The following ZFYVE28 variants were observed in gnomAD, a reference collection of about 807,000 sequenced individuals.
ZFYVE28 encodes lateral signaling target protein 2 homolog.
Under a neutral mutation model 82.1 loss-of-function variants are expected in ZFYVE28, and 40 were observed. That is an observed-to-expected ratio of 0.49 (90% CI 0.38 to 0.63). The LOEUF (loss-of-function observed/expected upper bound fraction) is 0.63, where lower values mean the gene tolerates loss of function less well. Ranked by LOEUF, ZFYVE28 falls within the 30% of genes least tolerant of loss-of-function variation. ZFYVE28 has a pLI of 0.00. For missense variants in ZFYVE28, 1,321 were observed against 1,242.1 expected (o/e 1.06, Z -0.96); for synonymous variants, 612 against 546.1 (o/e 1.12, Z -1.68).
At chr4:2,271,516 C>T (rs1406613097) in intron 11 of ZFYVE28, 102 bp from the exon 12 acceptor site, 44 of 1,449,006 alleles carry the variant, frequency 3.0e-5, no homozygotes, top group East Asian at 2.1e-4. Flanking sequence ...ACTGCCAAGC[C>T]GCCTGGCCTC....
chr4:2,364,913 G>A (rs909577918), intron 1 of ZFYVE28: 2 of 985,466 alleles, frequency 2.0e-6, no homozygotes, highest in Non-Finnish European at 2.4e-6. Context: ...CGGAGGGACA[G>A]TGGAGGCGGG....
At chr4:2,397,485 A>AG in intron 1 of ZFYVE28, among the ~76,000 whole-genome samples, 1 of 151,660 alleles carries the variant, frequency 6.6e-6, no homozygotes, top group East Asian at 1.9e-4. Context: ...AAAAAAAAAA[A>AG]AAAAAAAATT....
chr4:2,275,114 C>T (rs1286562222), intron 8 of ZFYVE28, among the ~76,000 whole-genome samples: 1 of 152,164 alleles, frequency 6.6e-6, no homozygotes, highest in Non-Finnish European at 1.5e-5. Flanking sequence ...GCTGGCCTCC[C>T]TGGGCATCGG....
At chr4:2,354,365 G>A (rs915312210) in intron 1 of ZFYVE28, among the ~76,000 whole-genome samples, 2 of 152,068 alleles carry the variant, frequency 1.3e-5, no homozygotes, top group Middle Eastern at 3.4e-3. Context: ...AGGTCCTCAC[G>A]CTCCCTCTGG....
chr4:2,413,117 T>C (rs61790170), intron 1 of ZFYVE28, among the ~76,000 whole-genome samples: 11,166 of 152,296 alleles, frequency 0.073, 542 homozygotes, highest in Non-Finnish European at 0.11. Context: ...AGGCTCTTAA[T>C]TGCCCTGCAA....
rs1011442157 is a variant in ZFYVE28 at position 2,362,557 on chromosome 4, T to C, written c.40-8484A>G. 6.6e-6 allele frequency among the ~76,000 whole-genome samples: 1 copy of C among 152,022 alleles called. No individual in the cohort carries two copies. The highest frequency in any genetic ancestry group is 2.4e-5 in the African/African-American group (1 of 41,390). On this transcript the variant is annotated intron_variant, in intron 1 of 12. Transcript: ENST00000290974. The surrounding 1 kb of genome is among the most constrained non-coding windows in gnomAD (Gnocchi z 5.1). The stretch of plus-strand genomic sequence containing the variant: ...TGTCCGCACTGAGGCCAGACGTCCA[T>C]GGGCAGCCATGACCCATGTCCCCAA...
At chr4:2,352,750 A>C (rs753554778) in intron 2 of ZFYVE28, among the ~76,000 whole-genome samples, 2 of 152,170 alleles carry the variant, frequency 1.3e-5, no homozygotes, top group Non-Finnish European at 2.9e-5. Flanking sequence ...CCCACCTCTC[A>C]AACTCACTTA....
intron 1 of ZFYVE28, among the ~76,000 whole-genome samples, chr4:2,391,520 C>G (rs963055300): frequency 4.9e-5 from 7 of 142,316 alleles, no homozygotes; most frequent in African/African-American, 1.8e-4. Context: ...CATTTTCACC[C>G]TTTTTAAGTC....
Position 2,305,289 on chromosome 4 carries a change from T to C in ZFYVE28, c.1051A>G (p.Arg351Gly). 2 of 1,613,158 alleles carry C rather than the reference T, an allele frequency of 1.2e-6. No homozygotes were observed. Among genetic ancestry groups the C allele is most frequent in the Non-Finnish European group, 1.7e-6 (2 of 1,180,016 alleles). The part of the protein sequence containing the change: ...ELEQLSRMVH[R>G]AGDEMSSLLS... ...AAAGAGGACATCTCGTCCCCCGCCC[T>C]GTGGACCATGCGGCTGAGCTGCTCC... The change falls in exon 8 of 13, where the codon AGG becomes GGG. Residue 351 changes from arginine (R) to glycine (G), a missense_variant. By Grantham distance (125) the Arg-to-Gly change is moderately radical (BLOSUM62 -2). This residue lies in a region of ZFYVE28 where 978 missense variants were observed against 833.7 expected (regional missense o/e 1.17). Transcript: ENST00000290974.
At position 2,335,471 on chromosome 4, in the gene ZFYVE28, T is replaced by C. The variant is rs1184104312; in HGVS notation, c.701+234A>G. Among the ~76,000 whole-genome samples, 1 of 152,060 alleles carries C rather than the reference T, an allele frequency of 6.6e-6. No homozygotes were observed. The highest frequency in any genetic ancestry group is 2.4e-5 in the African/African-American group (1 of 41,414). On this transcript the variant is annotated intron_variant, in intron 6 of 12. Coordinates refer to ENST00000290974, the MANE Select transcript of ZFYVE28 (RefSeq NM_020972.3). This position sits in a 1 kb window ranked among gnomAD's most constrained non-coding sequence, Gnocchi z 5.8. ...TGGCAGGTGTTAGGCCACCTTGCCC[T>C]ATCTAGGGTGACAGAGCCTCCCTCA...
At position 2,339,696 on chromosome 4, in the gene ZFYVE28, G is replaced by A. The variant is rs1036713202; in HGVS notation, c.319-41C>T. 7 of 1,541,828 alleles carry A rather than the reference G, an allele frequency of 4.5e-6. No homozygotes were observed. The highest frequency in any genetic ancestry group is 6.1e-6 in the Non-Finnish European group (7 of 1,143,934). On this transcript the variant is annotated intron_variant, in intron 3 of 12. Transcript: ENST00000290974. This position sits in a 1 kb window ranked among gnomAD's most constrained non-coding sequence, Gnocchi z 5.0. ...CACTCAGGGAGGGGCCCGGGTGAGG[G>A]CCAGGCTCTCAGGGGTCGCCGACCC...
At chr4:2,290,792 G>A (rs116286593) in intron 8 of ZFYVE28, among the ~76,000 whole-genome samples, 3 of 152,218 alleles carry the variant, frequency 2.0e-5, no homozygotes, top group Non-Finnish European at 2.9e-5. Flanking sequence ...AGCACAAGCC[G>A]AGCAGTGGTG....
chr4:2,348,460 G>C (rs1723897747), intron 2 of ZFYVE28, among the ~76,000 whole-genome samples: 1 of 152,176 alleles, frequency 6.6e-6, no homozygotes, highest in South Asian at 2.1e-4. Flanking sequence ...ACACTGTCTT[G>C]ACACCAAAAT....
chr4:2,355,203 T>C (rs1343008257), intron 1 of ZFYVE28, among the ~76,000 whole-genome samples: 1 of 910 alleles, frequency 1.1e-3, no homozygotes, highest in South Asian at 0.031. Context: ...CTTGAAAATA[T>C]ATATATATAT....
intron 1 of ZFYVE28, among the ~76,000 whole-genome samples, chr4:2,396,852 TG>T (rs1730526577): frequency 6.6e-6 from 1 of 152,216 alleles, no homozygotes; most frequent in African/African-American, 2.4e-5. Flanking sequence ...GGAGGGTACC[TG>T]ACCCTGAAGG....
chr4:2,416,774 AG>A lies in ZFYVE28; in HGVS notation c.39+1510del, dbSNP rs1733088211. On this transcript the variant is annotated intron_variant, in intron 1 of 12. Coordinates refer to ENST00000290974, the MANE Select transcript of ZFYVE28 (RefSeq NM_020972.3). The surrounding 1 kb of genome is among the most constrained non-coding windows in gnomAD (Gnocchi z 4.6). ...TGCTAGGGACAGGGAGGTTGGGAGC[AG>A]GGAGTGACGCCACAGGAACCCTGAA... Among the ~76,000 whole-genome samples, 1 of 151,082 alleles carries A rather than the reference AG, an allele frequency of 6.6e-6. No individual in the cohort carries two copies. Among genetic ancestry groups the A allele is most frequent in the African/African-American group, 2.5e-5 (1 of 40,738 alleles).
intron 6 of ZFYVE28, chr4:2,330,884 G>A (rs1277066051): frequency 6.5e-7 from 1 of 1,535,260 alleles, no homozygotes; most frequent in Non-Finnish European, 8.7e-7. Context: ...GGTGCAGGCA[G>A]ATCACGGTGG....
chr4:2,297,728 C>A (rs1038072196), intron 8 of ZFYVE28, among the ~76,000 whole-genome samples: 1 of 151,392 alleles, frequency 6.6e-6, no homozygotes, highest in Non-Finnish European at 1.5e-5. Context: ...CTGGGAGGAA[C>A]GGCAGAGGAC....
At position 2,270,747 on chromosome 4, in the gene ZFYVE28, TAGA is replaced by T; in HGVS notation, c.2639_2641del (p.Phe880del). ...ACGTCACAGGCCGGCCTTGTCGCTG[TAGA>T]AGGGCGTGACATGGAACATGTAGCA... On this transcript the variant is annotated inframe_deletion, in exon 13 of 13. Coordinates refer to ENST00000290974, the MANE Select transcript of ZFYVE28 (RefSeq NM_020972.3). 6.2e-7 allele frequency: 1 copy of T among 1,613,152 alleles called. No homozygotes were observed. Among genetic ancestry groups the T allele is most frequent in the Non-Finnish European group, 8.5e-7 (1 of 1,179,894 alleles).
Sources: gnomAD v4.1 joint callset for allele counts (sites outside exome capture counted in the v4.1 genomes callset) on GRCh38, gnomAD v4.1.1 for gene constraint, gnomAD v4.1.1 regional missense constraint, Gnocchi (gnomAD v3.1) non-coding constraint, MANE v1.5 for transcripts, NCBI Gene and HGNC (gene_info 2026-07-23, HGNC 2026-07-21) for gene names.